The following PDGFRL variants were observed in gnomAD, a reference collection of about 807,000 sequenced individuals.
PDGFRL encodes platelet-derived growth factor receptor-like protein.
PDGFRL carries 46 observed loss-of-function variants against 37.2 expected under a neutral mutation model. The ratio of observed to expected loss-of-function variants is 1.24; its 90% CI spans 0.98 to 1.58. The LOEUF is 1.58. Ranked by LOEUF, PDGFRL falls within the 40% of genes most tolerant of loss-of-function variation. The pLI, the probability that PDGFRL is intolerant of heterozygous loss-of-function variation, is 0.00. For synonymous variants in PDGFRL, 251 were observed against 184.3 expected (o/e 1.36, Z -2.93); for missense variants, 692 against 467.6 (o/e 1.48, Z -4.43).
chr8:17,577,187 C>T (rs1803602514), upstream of PDGFRL: 13 of 1,570,602 alleles, frequency 8.3e-6, 1 homozygote, highest in Middle Eastern at 7.3e-4. Context: ...TCGCCCGCCG[C>T]CTCCCCTGCG....
intron 2 of PDGFRL, among the ~76,000 whole-genome samples, chr8:17,595,554 C>T (rs762255321): frequency 2.2e-4 from 33 of 152,188 alleles, no homozygotes; most frequent in Non-Finnish European, 4.6e-4. Flanking sequence ...CTGGGCAGAA[C>T]CTGGACCTAA....
chr8:17,615,282 C>G (rs186590902), intron 2 of PDGFRL, among the ~76,000 whole-genome samples: 41 of 149,912 alleles, frequency 2.7e-4, no homozygotes, highest in Admixed American at 5.4e-4. Context: ...GCTCATTTAA[C>G]TGGATCTCTC....
chr8:17,641,271 A>C (rs991011772), intron 5 of PDGFRL, among the ~76,000 whole-genome samples: 9 of 152,080 alleles, frequency 5.9e-5, no homozygotes, highest in Admixed American at 5.2e-4. Context: ...CTGTGTCTGC[A>C]CTCCTGCTTC....
At chr8:17,595,034 A>G (rs1017579935) in intron 2 of PDGFRL, among the ~76,000 whole-genome samples, 1 of 150,600 alleles carries the variant, frequency 6.6e-6, no homozygotes, top group Non-Finnish European at 1.5e-5. Flanking sequence ...GTACATCCTG[A>G]TGTTGATTTT....
intron 2 of PDGFRL, among the ~76,000 whole-genome samples, chr8:17,590,792 A>T (rs1803920546): frequency 6.6e-6 from 1 of 152,118 alleles, no homozygotes; most frequent in Non-Finnish European, 1.5e-5. Flanking sequence ...CATAATGAAA[A>T]CTGAAATGAC....
At chr8:17,590,678 C>T (rs961896850) in intron 2 of PDGFRL, among the ~76,000 whole-genome samples, 1 of 151,172 alleles carries the variant, frequency 6.6e-6, no homozygotes, top group Non-Finnish European at 1.5e-5. Context: ...TACCACCGCA[C>T]TCCAGCCTGG....
intron 3 of PDGFRL, among the ~76,000 whole-genome samples, 197 bp from the exon 4 acceptor site, chr8:17,628,290 A>G (rs550256305): frequency 4.6e-5 from 7 of 152,100 alleles, no homozygotes; most frequent in South Asian, 2.1e-4. Flanking sequence ...TACCGCGCCC[A>G]GCCTTCTGTT....
At position 17,595,747 on chromosome 8, in the gene PDGFRL, T is replaced by C. The variant is rs140358640; in HGVS notation, c.353+5982T>C. ...GGGTGCTGGGTACCCCAGGTAGAGC[T>C]AAGGTTATGGGGCTGTTGAGGAGTT... On this transcript the variant is annotated intron_variant, in intron 2 of 5. Transcript: ENST00000251630. 6.8e-3 allele frequency among the ~76,000 whole-genome samples: 1,041 copies of C among 152,272 alleles called. 14 individuals are homozygous for C. Among genetic ancestry groups the C allele is most frequent in the African/African-American group, 0.023 (953 of 41,560 alleles).
rs138759054 is a variant in PDGFRL at position 17,592,871 on chromosome 8, G to T, written c.353+3106G>T. On this transcript the variant is annotated intron_variant, in intron 2 of 5. Transcript: ENST00000251630. ...TAGCTTTCTCTATTAATGTTTGACT[G>T]ACAAGCCTCCCTGATACATTTGTCC... 3.1e-4 allele frequency among the ~76,000 whole-genome samples: 47 copies of T among 151,748 alleles called. No individual in the cohort carries two copies. The East Asian group carries it at 7.3e-3, about 24-fold the overall frequency.
chr8:17,609,390 C>G (rs1804354838), intron 2 of PDGFRL, among the ~76,000 whole-genome samples: 1 of 151,554 alleles, frequency 6.6e-6, no homozygotes, highest in African/African-American at 2.4e-5. Flanking sequence ...ACCTGTAGTC[C>G]CAGTTACTTG....
At position 17,633,207 on chromosome 8, in the gene PDGFRL, T is replaced by C. The variant is rs1480373887; in HGVS notation, c.800-867T>C. 2.6e-5 allele frequency among the ~76,000 whole-genome samples: 4 copies of C among 152,066 alleles called. No homozygotes were observed. In the East Asian group the frequency reaches 5.8e-4, roughly 22 times the overall value. On this transcript the variant is annotated intron_variant, in intron 4 of 5. Transcript: ENST00000251630. ...ACTATGGGAGGTCAAGGCATGAGAATTGCTTGAGGCCATGAGTTGCAGATC... is the reference window on the plus strand; with the variant it reads ...ACTATGGGAGGTCAAGGCATGAGAACTGCTTGAGGCCATGAGTTGCAGATC...
intron 5 of PDGFRL, among the ~76,000 whole-genome samples, chr8:17,640,148 GCTAT>G (rs903620861): frequency 3.2e-4 from 49 of 152,084 alleles, no homozygotes; most frequent in African/African-American, 1.1e-3. Flanking sequence ...TTCTATTTTT[GCTAT>G]CTATTTCACT....
intron 2 of PDGFRL, among the ~76,000 whole-genome samples, chr8:17,598,737 C>T (rs1804104297): frequency 1.3e-5 from 2 of 152,132 alleles, no homozygotes; most frequent in African/African-American, 2.4e-5. Flanking sequence ...TCCTGTAATT[C>T]CCACATGTTG....
chr8:17,608,667 C>T (rs1186254672), intron 2 of PDGFRL, among the ~76,000 whole-genome samples: 2 of 152,062 alleles, frequency 1.3e-5, no homozygotes, highest in Admixed American at 6.6e-5. Context: ...AGTCAGAATG[C>T]TTATGAGGGG....
At chr8:17,584,934 T>C (rs1207302613) in intron 1 of PDGFRL, among the ~76,000 whole-genome samples, 1 of 152,144 alleles carries the variant, frequency 6.6e-6, no homozygotes, top group Non-Finnish European at 1.5e-5. Flanking sequence ...CAGCTGCTTA[T>C]ACTTACGGTT....
intron 3 of PDGFRL, 44 bp downstream of exon 3, chr8:17,621,246 C>T (rs1804625031): frequency 1.4e-6 from 2 of 1,436,840 alleles, no homozygotes; most frequent in Non-Finnish European, 1.9e-6. Flanking sequence ...AACTTCTGGA[C>T]CGGGCTGAGA....
chr8:17,608,556 C>T (rs919943684), intron 2 of PDGFRL, among the ~76,000 whole-genome samples: 4 of 152,168 alleles, frequency 2.6e-5, no homozygotes, highest in African/African-American at 7.2e-5. Flanking sequence ...GTGACCAGAG[C>T]GAGTGTGTCA....
intron 1 of PDGFRL, among the ~76,000 whole-genome samples, chr8:17,583,036 AG>A (rs2150808069): frequency 6.6e-6 from 1 of 152,296 alleles, no homozygotes; most frequent in Non-Finnish European, 1.5e-5. Context: ...CAGAACAGAG[AG>A]GTTGCTCCAG....
intron 5 of PDGFRL, 73 bp downstream of exon 5, chr8:17,634,286 C>T: frequency 2.4e-6 from 3 of 1,254,178 alleles, no homozygotes; most frequent in Non-Finnish European, 3.4e-6. Flanking sequence ...TAATTCACAG[C>T]TTCGTCCCCA....
Sources: gnomAD v4.1 joint callset for allele counts (sites outside exome capture counted in the v4.1 genomes callset) on GRCh38, gnomAD v4.1.1 for gene constraint, MANE v1.5 for transcripts, NCBI Gene and HGNC (gene_info 2026-07-23, HGNC 2026-07-21) for gene names.